The following CNBD1 variants were observed in gnomAD, a reference collection of about 807,000 sequenced individuals.
CNBD1 encodes the protein cyclic nucleotide-binding domain-containing protein 1.
Under a neutral mutation model 54.4 loss-of-function variants are expected in CNBD1, and 71 were observed. The observed-to-expected ratio is 1.30, with a 90% CI of 1.08 to 1.59. The LOEUF (loss-of-function observed/expected upper bound fraction) is 1.59, where lower values mean the gene tolerates loss of function less well. Among genes scored for constraint, CNBD1 ranks in the 40% most tolerant of loss-of-function variants. The pLI is 0.00. For synonymous variants in CNBD1, 182 were observed against 170.7 expected, an observed-to-expected ratio of 1.07 and a Z score of -0.51; for missense variants, 659 against 518.0, an observed-to-expected ratio of 1.27 and a Z score of -2.64.
intron 4 of CNBD1, among the ~76,000 whole-genome samples, chr8:87,061,080 A>G (rs1306458632): frequency 6.6e-6 from 1 of 152,204 alleles, no homozygotes. Flanking sequence ...TTCCTTTTCA[A>G]AATGCCAAGT....
chr8:86,978,407 A>G (rs1808391716), intron 4 of CNBD1, among the ~76,000 whole-genome samples: 1 of 152,164 alleles, frequency 6.6e-6, no homozygotes, highest in Non-Finnish European at 1.5e-5. Context: ...GACAGTCTGA[A>G]AAAATTTTTG....
intron 3 of CNBD1, among the ~76,000 whole-genome samples, chr8:86,937,277 C>T (rs1305841913): frequency 6.6e-6 from 1 of 152,144 alleles, no homozygotes; most frequent in Non-Finnish European, 1.5e-5. Context: ...CCCCATGATT[C>T]AGATACCTCC....
At chr8:86,940,657 A>T (rs1009645701) in intron 4 of CNBD1, among the ~76,000 whole-genome samples, 6 of 152,148 alleles carry the variant, frequency 3.9e-5, no homozygotes, top group Non-Finnish European at 7.3e-5. Flanking sequence ...GTCATAGGGG[A>T]GTAAAATTAA....
chr8:87,424,496 A>G (rs925593152), intron 2 of CNBD1, among the ~76,000 whole-genome samples: 2 of 152,206 alleles, frequency 1.3e-5, no homozygotes, highest in Non-Finnish European at 2.9e-5. Flanking sequence ...CACTGGTTTC[A>G]AAGAACATCT....
intron 3 of CNBD1, among the ~76,000 whole-genome samples, chr8:86,914,330 G>A (rs1034562793): frequency 2.6e-5 from 4 of 152,110 alleles, no homozygotes; most frequent in South Asian, 2.1e-4. Flanking sequence ...CAGTCCCTCC[G>A]TTCAGGGTCC....
At chr8:87,159,873 G>A (rs1234568893) in intron 4 of CNBD1, among the ~76,000 whole-genome samples, 1 of 151,924 alleles carries the variant, frequency 6.6e-6, no homozygotes, top group Non-Finnish European at 1.5e-5. Context: ...TGATATAGTA[G>A]CATTTATATT....
rs1265432655 is a variant in CNBD1 at position 87,286,563 on chromosome 8, C to A, written c.934C>A (p.Gln312Lys). ...KEEKIKLENM[Q>K]KLKLIRMCPY... The stretch of plus-strand genomic sequence containing the variant: ...GGAAAAAATAAAACTTGAAAATATG[C>A]AAAAGTTGAAATTAATCCGTATGTG... The change falls in exon 8 of 11, where the codon CAA becomes AAA. Residue 312 changes from glutamine (Q) to lysine (K), a missense_variant. By Grantham distance (53) the Gln-to-Lys change is moderately conservative. Coordinates refer to ENST00000518476, the MANE Select transcript of CNBD1 (RefSeq NM_173538.3). The A allele has an allele frequency of 2.1e-6, 3 of 1,453,540 alleles. No individual in the cohort carries two copies. Among genetic ancestry groups the A allele is most frequent in the Non-Finnish European group, 2.8e-6 (3 of 1,059,400 alleles). The allele number at this position is 1,453,540 out of a possible 1,614,324, so 90.0% of individuals were successfully genotyped here.
chr8:87,236,825 T>C (rs1807592006), intron 5 of CNBD1, 94 bp from the exon 6 acceptor site: 1 of 660,628 alleles, frequency 1.5e-6, no homozygotes, highest in South Asian at 3.3e-5. Flanking sequence ...AAGAAATACG[T>C]TGAAAGTACC....
intron 4 of CNBD1, among the ~76,000 whole-genome samples, chr8:87,129,431 T>C (rs1812071031): frequency 6.6e-6 from 1 of 152,178 alleles, no homozygotes; most frequent in African/African-American, 2.4e-5. Context: ...TGAATTTTGG[T>C]ACTTTGTGTC....
intron 5 of CNBD1, among the ~76,000 whole-genome samples, chr8:87,228,336 GTTTTTCTGTTCTGT>G: frequency 6.6e-6 from 1 of 150,800 alleles, no homozygotes; most frequent in East Asian, 1.9e-4. Context: ...AGAGTTTCCA[GTTTTTCTGTTCTGT>G]TTTTTCCCCA....
chr8:87,062,210 G>A (rs1389908561), intron 4 of CNBD1, among the ~76,000 whole-genome samples: 3 of 152,132 alleles, frequency 2.0e-5, no homozygotes, highest in Admixed American at 6.5e-5. Context: ...TCAAGGTAAA[G>A]TTAATTTCAA....
intron 4 of CNBD1, among the ~76,000 whole-genome samples, chr8:86,984,316 G>A (rs1419262204): frequency 6.6e-6 from 1 of 152,150 alleles, no homozygotes; most frequent in African/African-American, 2.4e-5. Flanking sequence ...GTTTGCCACA[G>A]GGGTGGGGCC....
chr8:87,254,207 C>T (rs937754430), intron 6 of CNBD1, among the ~76,000 whole-genome samples: 11 of 151,918 alleles, frequency 7.2e-5, no homozygotes, highest in Non-Finnish European at 8.8e-5. Flanking sequence ...GACCTGAGGA[C>T]GAAATCCTTG....
chr8:87,283,737 A>C (rs1469577445), intron 6 of CNBD1, among the ~76,000 whole-genome samples: 1 of 151,982 alleles, frequency 6.6e-6, no homozygotes, highest in Non-Finnish European at 1.5e-5. Context: ...AAGTTCCTAG[A>C]CTTTAGGCAA....
chr8:87,330,131 T>C (rs778637233), intron 8 of CNBD1, among the ~76,000 whole-genome samples: 20 of 151,886 alleles, frequency 1.3e-4, no homozygotes, highest in Non-Finnish European at 1.0e-4. Flanking sequence ...GTGGGCATAA[T>C]TAGTCATAGT....
In CNBD1 at chr8:87,228,498, C is replaced by T. The variant is rs190818630; in HGVS notation, c.578-8421C>T. On this transcript the variant is annotated intron_variant, in intron 5 of 10. Coordinates refer to ENST00000518476, the MANE Select transcript of CNBD1 (RefSeq NM_173538.3). ...GCTGCAGGTCTGTTGGAGTACCCTG[C>T]GGTGTGAGGTGTCAGTGTGCCCCTG... 2.5e-3 allele frequency among the ~76,000 whole-genome samples: 377 copies of T among 149,168 alleles called. 46 individuals are homozygous for T. Among genetic ancestry groups the T allele is most frequent in the African/African-American group, 8.4e-3 (326 of 38,736 alleles).
intron 1 of CNBD1, among the ~76,000 whole-genome samples, chr8:86,885,027 T>G (rs1808661330): frequency 1.3e-5 from 2 of 152,240 alleles, no homozygotes; most frequent in Non-Finnish European, 2.9e-5. Flanking sequence ...ATTGTGGCTA[T>G]GTATTTACAG....
At chr8:86,938,501 G>A (rs745418811) in intron 3 of CNBD1, among the ~76,000 whole-genome samples, 1 of 152,162 alleles carries the variant, frequency 6.6e-6, no homozygotes, top group Non-Finnish European at 1.5e-5. Flanking sequence ...CACATGGCTG[G>A]GGAGGCCTCA....
At chr8:87,407,642 C>T (rs541228078) in intron 2 of CNBD1, among the ~76,000 whole-genome samples, 24 of 152,114 alleles carry the variant, frequency 1.6e-4, no homozygotes, top group African/African-American at 4.8e-4. Flanking sequence ...CTGTTGCTTT[C>T]AATCCTTGTC....
Sources: gnomAD v4.1 joint callset for allele counts (sites outside exome capture counted in the v4.1 genomes callset) on GRCh38, gnomAD v4.1.1 for gene constraint, MANE v1.5 for transcripts, NCBI Gene and HGNC (gene_info 2026-07-23, HGNC 2026-07-21) for gene names.